The following RBFOX1 variants were observed in gnomAD, a reference collection of about 807,000 sequenced individuals.
RBFOX1 encodes RNA binding protein fox-1 homolog 1.
RBFOX1 carries 8 observed loss-of-function variants against 57.7 expected under a neutral mutation model. The ratio of observed to expected loss-of-function variants is 0.14; its 90% CI spans 0.08 to 0.25. The LOEUF is 0.25. Ranked by LOEUF, RBFOX1 falls within the 10% of genes least tolerant of loss-of-function variation. The probability of loss-of-function intolerance (pLI) is 1.00; values close to 1 mark genes in which losing one functional copy is unlikely to be tolerated. For missense variants in RBFOX1, 611 were observed against 548.5 expected, an observed-to-expected ratio of 1.11 and a Z score of -1.14; for synonymous variants, 326 against 222.4, an observed-to-expected ratio of 1.47 and a Z score of -4.15.
chr16:7,181,937 C>T (rs973355830), intron 4 of RBFOX1, among the ~76,000 whole-genome samples: 4 of 152,000 alleles, frequency 2.6e-5, no homozygotes, highest in African/African-American at 9.7e-5. Context: ...ACTCAGCCGT[C>T]GAAATACAGG....
At chr16:6,627,367 A>G (rs1047333384) in intron 2 of RBFOX1, among the ~76,000 whole-genome samples, 24 of 152,300 alleles carry the variant, frequency 1.6e-4, no homozygotes, top group African/African-American at 5.8e-4. Context: ...CAAAACATGC[A>G]CTGCTTGGAG....
At chr16:5,702,287 G>A (rs1404808712) in intron 3 of RBFOX1, among the ~76,000 whole-genome samples, 1 of 152,178 alleles carries the variant, frequency 6.6e-6, no homozygotes, top group Non-Finnish European at 1.5e-5. Flanking sequence ...GCCGGCAGGA[G>A]ATAGAGCAAA....
intron 2 of RBFOX1, among the ~76,000 whole-genome samples, chr16:6,544,463 G>T (rs536353261): frequency 6.6e-6 from 1 of 152,260 alleles, no homozygotes; most frequent in East Asian, 1.9e-4. Flanking sequence ...GGGAGGCACT[G>T]TAATTTCCTG....
At chr16:7,152,716 G>C (rs2076330307) in intron 4 of RBFOX1, among the ~76,000 whole-genome samples, 1 of 152,062 alleles carries the variant, frequency 6.6e-6, no homozygotes, top group Non-Finnish European at 1.5e-5. Context: ...GTTGTGTCCT[G>C]GTTATCTTGA....
In RBFOX1 at chr16:7,449,714, A is replaced by ATG. The variant is rs777294270; in HGVS notation, c.28-68418_28-68417dup. On this transcript the variant is annotated intron_variant, in intron 4 of 15. Transcript: ENST00000550418. ...TTTAGCTGGAGAAAAAGAAACATGT[A>ATG]TGTGTGTGTGTGTGTGGGGGGGGGG... Among the ~76,000 whole-genome samples, 305 of 93,356 alleles carry ATG rather than the reference A, an allele frequency of 3.3e-3. 16 individuals carry two copies. Among genetic ancestry groups the ATG allele is most frequent in the East Asian group, 0.028 (74 of 2,630 alleles). The allele number at this position is 93,356 out of a possible 152,430, so 61.2% of individuals were successfully genotyped here.
At chr16:6,346,054 A>G (rs1266953694) in intron 2 of RBFOX1, among the ~76,000 whole-genome samples, 1 of 152,142 alleles carries the variant, frequency 6.6e-6, no homozygotes, top group Non-Finnish European at 1.5e-5. Context: ...GCAATCAGGT[A>G]TGCATTTATC....
chr16:5,903,279 TG>T (rs1319322556), intron 4 of RBFOX1, among the ~76,000 whole-genome samples: 1 of 152,206 alleles, frequency 6.6e-6, no homozygotes, highest in Admixed American at 6.5e-5. Context: ...ATTTCACCAC[TG>T]CTTCGTCATC....
At chr16:6,927,428 A>AAAAG (rs1488565098) in intron 3 of RBFOX1, among the ~76,000 whole-genome samples, 4 of 150,330 alleles carry the variant, frequency 2.7e-5, no homozygotes, top group Non-Finnish European at 4.4e-5. Context: ...AAAAAAAAAA[A>AAAAG]AAAAAAAAAA....
intron 1 of RBFOX1, among the ~76,000 whole-genome samples, chr16:6,098,280 C>G (rs1157024467): frequency 6.6e-6 from 1 of 152,192 alleles, no homozygotes; most frequent in Non-Finnish European, 1.5e-5. Context: ...GGCCCAAGGT[C>G]ACCTGGCAAG....
intron 1 of RBFOX1, among the ~76,000 whole-genome samples, chr16:5,246,263 AAAATT>A (rs1357031372): frequency 6.6e-6 from 1 of 152,220 alleles, no homozygotes; most frequent in African/African-American, 2.4e-5. Flanking sequence ...GTAAATAAAT[AAAATT>A]CTGAATTTTA....
chr16:6,013,128 G>C (rs1004098785), intron 4 of RBFOX1, among the ~76,000 whole-genome samples: 2 of 152,088 alleles, frequency 1.3e-5, no homozygotes, highest in African/African-American at 4.8e-5. Flanking sequence ...TAAAAATCTT[G>C]TTTAGCTCAC....
intron 13 of RBFOX1, among the ~76,000 whole-genome samples, chr16:7,674,349 A>G (rs1322209354): frequency 1.3e-5 from 2 of 152,218 alleles, no homozygotes; most frequent in Admixed American, 6.5e-5. Flanking sequence ...AAATTTAAAA[A>G]TCAGTTCATT....
intron 3 of RBFOX1, among the ~76,000 whole-genome samples, chr16:6,824,932 T>C (rs1034132533): frequency 6.0e-5 from 9 of 150,682 alleles, no homozygotes; most frequent in Non-Finnish European, 1.3e-4. Flanking sequence ...CATTGGTACA[T>C]GATTAAGTGC....
intron 2 of RBFOX1, among the ~76,000 whole-genome samples, chr16:6,642,272 G>A (rs1568008441): frequency 6.6e-6 from 1 of 152,150 alleles, no homozygotes; most frequent in Non-Finnish European, 1.5e-5. Context: ...AAAGCTGAGC[G>A]AAAATTATTC....
chr16:6,415,266 A>T (rs1047559173), intron 2 of RBFOX1, among the ~76,000 whole-genome samples: 1 of 134,240 alleles, frequency 7.4e-6, no homozygotes, highest in African/African-American at 2.8e-5. Context: ...AAAAAAAAAA[A>T]TAGCGTTCAG....
intron 3 of RBFOX1, among the ~76,000 whole-genome samples, chr16:5,628,874 C>A (rs8044254): frequency 3.3e-5 from 5 of 152,248 alleles, no homozygotes; most frequent in East Asian, 3.9e-4. Context: ...AGCATCTGAC[C>A]TAAGCTAAGT....
At chr16:5,664,304 C>G (rs1268509810) in intron 3 of RBFOX1, among the ~76,000 whole-genome samples, 3 of 152,132 alleles carry the variant, frequency 2.0e-5, no homozygotes, top group Admixed American at 6.5e-5. Flanking sequence ...AATCCCAGCA[C>G]TTTGGGAGGC....
At chr16:6,686,807 A>G (rs187692769) in intron 3 of RBFOX1, among the ~76,000 whole-genome samples, 58 of 152,250 alleles carry the variant, frequency 3.8e-4, no homozygotes, top group African/African-American at 1.4e-3. Flanking sequence ...CAAGAAACCC[A>G]CAGATTGCAC....
intron 4 of RBFOX1, among the ~76,000 whole-genome samples, chr16:7,127,519 C>G (rs886279597): frequency 2.4e-4 from 36 of 152,154 alleles, no homozygotes; most frequent in African/African-American, 8.2e-4. Flanking sequence ...ACTTACAGGT[C>G]TTTTGGTATA....
Sources: gnomAD v4.1 joint callset for allele counts (sites outside exome capture counted in the v4.1 genomes callset) on GRCh38, gnomAD v4.1.1 for gene constraint, MANE v1.5 for transcripts, NCBI Gene and HGNC (gene_info 2026-07-23, HGNC 2026-07-21) for gene names.